PTK2: variants seen among roughly 807,000 people sequenced by gnomAD.
PTK2 encodes protein tyrosine kinase 2.
Under a neutral mutation model 150.1 loss-of-function variants are expected in PTK2, and 45 were observed. That is an observed-to-expected ratio of 0.30 (90% CI 0.24 to 0.38). The LOEUF is 0.38. Ranked by LOEUF, PTK2 falls within the 10% of genes least tolerant of loss-of-function variation. The pLI is 1.00. For missense variants in PTK2, 919 were observed against 1,307.3 expected, an observed-to-expected ratio of 0.70 and a Z score of 4.58; for synonymous variants, 432 against 449.2, an observed-to-expected ratio of 0.96 and a Z score of 0.48.
In PTK2 at chr8:140,841,947, G is replaced by A. The variant is rs1275156715; in HGVS notation, c.593+4313C>T. 2.6e-5 allele frequency among the ~76,000 whole-genome samples: 4 copies of A among 151,686 alleles called. No homozygotes were observed. The East Asian group carries it at 7.7e-4, about 29-fold the overall frequency. On this transcript the variant is annotated intron_variant, in intron 7 of 31. Coordinates refer to ENST00000522684, the Ensembl canonical transcript of PTK2. ...ACCTGAACTGAATGTCCACTATTAT[G>A]TGGCTGTTTAAATGTATGTAGCATT...
intron 8 of PTK2, among the ~76,000 whole-genome samples, chr8:140,819,951 T>C (rs1411134830): frequency 6.6e-6 from 1 of 151,908 alleles, no homozygotes; most frequent in Non-Finnish European, 1.5e-5. Flanking sequence ...ATAAAGGGAA[T>C]GTGATGAGGT....
At chr8:140,949,993 C>G (rs557154481) in intron 1 of PTK2, among the ~76,000 whole-genome samples, 1 of 152,228 alleles carries the variant, frequency 6.6e-6, no homozygotes, top group African/African-American at 2.4e-5. Context: ...TTAGCACTAC[C>G]AGCTGCAGGA....
At chr8:140,892,079 G>A (rs555702274) in intron 2 of PTK2, among the ~76,000 whole-genome samples, 34 of 152,268 alleles carry the variant, frequency 2.2e-4, no homozygotes, top group African/African-American at 7.7e-4. Flanking sequence ...GTGGTAGCGT[G>A]TTCCTGTAGT....
intron 5 of PTK2, among the ~76,000 whole-genome samples, chr8:140,857,935 CCAA>C (rs1249109757): frequency 6.6e-6 from 1 of 152,084 alleles, no homozygotes; most frequent in Non-Finnish European, 1.5e-5. Flanking sequence ...GTGAAAGCCA[CCAA>C]CAACAAACGT....
intron 24 of PTK2, among the ~76,000 whole-genome samples, chr8:140,703,165 G>A (rs1164505760): frequency 6.6e-6 from 1 of 152,098 alleles, no homozygotes; most frequent in African/African-American, 2.4e-5. Context: ...CTAATTGGGA[G>A]GCTAAGGCAG....
At chr8:140,927,289 T>G (rs2100169825) in intron 1 of PTK2, 1 of 152,334 alleles carries the variant, frequency 6.6e-6, no homozygotes. Flanking sequence ...ACTTATTTCA[T>G]CACCATCAAT....
intron 23 of PTK2, among the ~76,000 whole-genome samples, chr8:140,714,882 A>G (rs1179677019): frequency 6.6e-6 from 1 of 151,562 alleles, no homozygotes; most frequent in Non-Finnish European, 1.5e-5. Context: ...ACTCACCAGA[A>G]TCTACTGAAT....
At chr8:140,829,116 C>T (rs2100113729) in intron 8 of PTK2, among the ~76,000 whole-genome samples, 1 of 152,164 alleles carries the variant, frequency 6.6e-6, no homozygotes, top group Non-Finnish European at 1.5e-5. Context: ...CTGAAAAAGT[C>T]GAGCAGCATC....
chr8:140,714,635 A>G, intron 23 of PTK2, among the ~76,000 whole-genome samples: 1 of 151,564 alleles, frequency 6.6e-6, no homozygotes, highest in East Asian at 1.9e-4. Context: ...TGTCTGTACT[A>G]AAAATACAAA....
chr8:140,936,866 T>TG (rs1490749398), intron 1 of PTK2, among the ~76,000 whole-genome samples: 3 of 152,150 alleles, frequency 2.0e-5, no homozygotes, highest in South Asian at 2.1e-4. Context: ...AGAACATCTT[T>TG]TTTTTTTAAC....
At chr8:140,688,555 G>GA (rs943696360) in intron 26 of PTK2, among the ~76,000 whole-genome samples, 5 of 151,664 alleles carry the variant, frequency 3.3e-5, no homozygotes, top group Non-Finnish European at 7.4e-5. Context: ...TCTCTACAAA[G>GA]AAAAAAATTT....
chr8:140,809,289 C>T (rs1275223360), intron 10 of PTK2, among the ~76,000 whole-genome samples: 2 of 152,130 alleles, frequency 1.3e-5, no homozygotes, highest in African/African-American at 4.8e-5. Flanking sequence ...CATCACTAAA[C>T]TTGTCCTTCA....
intron 1 of PTK2, among the ~76,000 whole-genome samples, chr8:140,982,834 T>C (rs1569539004): frequency 6.6e-6 from 1 of 152,212 alleles, no homozygotes; most frequent in Non-Finnish European, 1.5e-5. Context: ...TAACAATACT[T>C]ATTAAATAAT....
chr8:140,683,024 G>C (rs2100017930), intron 27 of PTK2, among the ~76,000 whole-genome samples: 1 of 152,072 alleles, frequency 6.6e-6, no homozygotes, highest in Non-Finnish European at 1.5e-5. Context: ...AAATGGAACT[G>C]AGACATGAAA....
intron 1 of PTK2, among the ~76,000 whole-genome samples, chr8:140,941,252 AAGC>A (rs1328572420): frequency 6.6e-6 from 1 of 152,204 alleles, no homozygotes; most frequent in African/African-American, 2.4e-5. Context: ...AAAATATAAA[AAGC>A]AGAACAATCA....
At chr8:140,909,652 A>C (rs2100162314) in intron 2 of PTK2, 1 of 152,220 alleles carries the variant, frequency 6.6e-6, no homozygotes, top group Admixed American at 6.5e-5. Flanking sequence ...TAATAAATAT[A>C]AAGTGTTTAC....
intron 27 of PTK2, among the ~76,000 whole-genome samples, chr8:140,677,887 C>T (rs1048654054): frequency 6.6e-6 from 1 of 152,218 alleles, no homozygotes; most frequent in East Asian, 1.9e-4. Flanking sequence ...AACAAAGATC[C>T]TGCCTGGGGA....
chr8:140,997,813 C>T (rs2100198374), intron 1 of PTK2, among the ~76,000 whole-genome samples: 1 of 152,158 alleles, frequency 6.6e-6, no homozygotes, highest in African/African-American at 2.4e-5. Context: ...GTGGTATGCA[C>T]GTATAGTGCC....
intron 1 of PTK2, among the ~76,000 whole-genome samples, chr8:140,929,159 G>T (rs1418875822): frequency 6.7e-6 from 1 of 149,902 alleles, no homozygotes; most frequent in African/African-American, 2.4e-5. Context: ...TAGAGACGGG[G>T]TTTCACCATT....
Sources: allele counts gnomAD v4.1 joint callset (sites outside exome capture counted in the v4.1 genomes callset), GRCh38; gene constraint gnomAD v4.1.1; transcripts MANE v1.5; gene names NCBI Gene and HGNC (gene_info 2026-07-23, HGNC 2026-07-21).